The following GALNTL6 variants were observed in gnomAD, a reference collection of about 807,000 sequenced individuals.
GALNTL6 encodes the protein polypeptide N-acetylgalactosaminyltransferase like 6.
GALNTL6 carries 46 observed loss-of-function variants against 73.7 expected under a neutral mutation model. The observed-to-expected ratio is 0.62, with a 90% CI of 0.49 to 0.80. The LOEUF is 0.80. GALNTL6 is among the 30% of genes least tolerant of loss of function. The probability of loss-of-function intolerance (pLI) is 0.00; values close to 1 mark genes in which losing one functional copy is unlikely to be tolerated. For missense variants in GALNTL6, 604 were observed against 755.0 expected (o/e 0.80, Z 2.34); for synonymous variants, 259 against 263.7 (o/e 0.98, Z 0.17).
At chr4:171,881,074 G>A (rs185813145) in intron 2 of GALNTL6, among the ~76,000 whole-genome samples, 5 of 151,886 alleles carry the variant, frequency 3.3e-5, no homozygotes, top group African/African-American at 1.2e-4. Flanking sequence ...TAACAGTTGT[G>A]AACAATCTCT....
intron 3 of GALNTL6, among the ~76,000 whole-genome samples, chr4:172,240,122 G>A (rs1419026079): frequency 6.6e-6 from 1 of 152,144 alleles, no homozygotes; most frequent in Non-Finnish European, 1.5e-5. Context: ...CCTCAAATAT[G>A]TTTTTCAAGT....
intron 2 of GALNTL6, among the ~76,000 whole-genome samples, chr4:171,995,303 C>T (rs1315079555): frequency 6.6e-6 from 1 of 151,930 alleles, no homozygotes; most frequent in Non-Finnish European, 1.5e-5. Context: ...TACATTTTAA[C>T]CGTTTAAATA....
At chr4:172,141,093 A>G (rs1388038512) in intron 2 of GALNTL6, among the ~76,000 whole-genome samples, 2 of 152,080 alleles carry the variant, frequency 1.3e-5, no homozygotes, top group Non-Finnish European at 2.9e-5. Context: ...GCTTTAGGGA[A>G]CCAAAGAAAA....
At chr4:172,695,972 A>G (rs1733665455) in intron 5 of GALNTL6, among the ~76,000 whole-genome samples, 1 of 152,146 alleles carries the variant, frequency 6.6e-6, no homozygotes, top group Non-Finnish European at 1.5e-5. Flanking sequence ...AAGAAATTGT[A>G]ATCTTGGAAA....
intron 5 of GALNTL6, among the ~76,000 whole-genome samples, chr4:172,372,043 A>G (rs980604676): frequency 6.6e-6 from 1 of 152,184 alleles, no homozygotes; most frequent in African/African-American, 2.4e-5. Context: ...GGTAAGTGCC[A>G]CTAGTTCTGC....
At chr4:173,009,431 A>T in intron 11 of GALNTL6, 137 bp downstream of exon 11, 1 of 626,580 alleles carries the variant, frequency 1.6e-6, no homozygotes, top group South Asian at 1.9e-5. Context: ...CTGTATCACC[A>T]ACCAGCTCTG....
chr4:171,984,614 C>T (rs573896369), intron 2 of GALNTL6, among the ~76,000 whole-genome samples: 2 of 152,208 alleles, frequency 1.3e-5, no homozygotes, highest in African/African-American at 4.8e-5. Context: ...GTTAAATCAA[C>T]TTACTTTGTA....
intron 2 of GALNTL6, among the ~76,000 whole-genome samples, chr4:171,825,385 A>G (rs7677063): frequency 0.97 from 148,096 of 152,218 alleles, 72,182 homozygotes; most frequent in Middle Eastern, 1. Flanking sequence ...GATGGGGGAA[A>G]ATAAAAATGC....
intron 5 of GALNTL6, among the ~76,000 whole-genome samples, chr4:172,565,807 C>T (rs1011756465): frequency 4.6e-5 from 7 of 152,102 alleles, no homozygotes; most frequent in Admixed American, 3.9e-4. Context: ...CTTATACTCT[C>T]TATTTCTTCA....
At chr4:172,223,379 A>G (rs1245055107) in intron 2 of GALNTL6, among the ~76,000 whole-genome samples, 2 of 151,898 alleles carry the variant, frequency 1.3e-5, no homozygotes, top group East Asian at 1.9e-4. Context: ...GACCCATTGC[A>G]TGTTCTGTAA....
rs147569244 is a variant in GALNTL6 at position 172,582,913 on chromosome 4, T to C, written c.554-226448T>C. Among the ~76,000 whole-genome samples, 66 of 152,378 alleles carry C rather than the reference T, an allele frequency of 4.3e-4. No individual in the cohort carries two copies. The East Asian group carries it at 0.012, about 28-fold the overall frequency. On this transcript the variant is annotated intron_variant, in intron 5 of 12. Transcript: ENST00000506823. ...GTCTGCATCCTTCAAATATCTATGTTTGATAGATTATGTCTATCCCTTTCT... is the reference window on the plus strand; with the variant it reads ...GTCTGCATCCTTCAAATATCTATGTCTGATAGATTATGTCTATCCCTTTCT...
At chr4:172,157,757 G>T (rs887060995) in intron 2 of GALNTL6, among the ~76,000 whole-genome samples, 7 of 152,130 alleles carry the variant, frequency 4.6e-5, no homozygotes, top group Non-Finnish European at 8.8e-5. Flanking sequence ...TTTTAAAAAG[G>T]TATCTTCTAA....
chr4:172,805,838 T>TG (rs1312150683), intron 5 of GALNTL6, among the ~76,000 whole-genome samples: 1 of 151,780 alleles, frequency 6.6e-6, no homozygotes, highest in African/African-American at 2.4e-5. Context: ...ATAAGAGAAA[T>TG]GGGGGGAGTA....
chr4:171,938,420 C>A (rs762762433), intron 2 of GALNTL6, among the ~76,000 whole-genome samples: 1 of 152,056 alleles, frequency 6.6e-6, no homozygotes, highest in Non-Finnish European at 1.5e-5. Flanking sequence ...CTGTGCAATG[C>A]CCCAACACCC....
chr4:172,389,766 A>G (rs753936845), intron 5 of GALNTL6, among the ~76,000 whole-genome samples: 2 of 152,174 alleles, frequency 1.3e-5, no homozygotes, highest in African/African-American at 2.4e-5. Flanking sequence ...CAGATGGTGG[A>G]TACATAGCTT....
At chr4:172,230,925 G>A (rs1737044337) in intron 3 of GALNTL6, among the ~76,000 whole-genome samples, 1 of 152,084 alleles carries the variant, frequency 6.6e-6, no homozygotes, top group Non-Finnish European at 1.5e-5. Flanking sequence ...TGAAATGTTC[G>A]TAGCTCTGTA....
chr4:172,198,960 C>A (rs1735869580), intron 2 of GALNTL6, among the ~76,000 whole-genome samples: 1 of 152,084 alleles, frequency 6.6e-6, no homozygotes, highest in African/African-American at 2.4e-5. Context: ...CCTTAGATAT[C>A]ACTTCCTCCA....
chr4:172,587,156 C>T (rs1737443705), intron 5 of GALNTL6, among the ~76,000 whole-genome samples: 1 of 152,180 alleles, frequency 6.6e-6, no homozygotes, highest in Non-Finnish European at 1.5e-5. Flanking sequence ...GTACGATCCC[C>T]TGTTCACCTG....
At chr4:172,161,525 A>C (rs1458269985) in intron 2 of GALNTL6, among the ~76,000 whole-genome samples, 2 of 152,082 alleles carry the variant, frequency 1.3e-5, no homozygotes, top group Non-Finnish European at 2.9e-5. Context: ...TGATGGAATG[A>C]AGCAACATCA....
Sources: gnomAD v4.1 joint callset for allele counts (sites outside exome capture counted in the v4.1 genomes callset) on GRCh38, gnomAD v4.1.1 for gene constraint, MANE v1.5 for transcripts, NCBI Gene and HGNC (gene_info 2026-07-23, HGNC 2026-07-21) for gene names.